The following FAT3 variants were observed in gnomAD, a reference collection of about 807,000 sequenced individuals.
FAT3 encodes the protein protocadherin Fat 3.
Under a neutral mutation model 310.2 loss-of-function variants are expected in FAT3, and 95 were observed. The ratio of observed to expected loss-of-function variants is 0.31; its 90% CI spans 0.26 to 0.36. The LOEUF (loss-of-function observed/expected upper bound fraction) is 0.36. Among genes scored for constraint, FAT3 ranks in the 10% least tolerant of loss-of-function variants. FAT3 has a pLI of 1.00. For missense variants in FAT3, 5,408 were observed against 5,715.6 expected, an observed-to-expected ratio of 0.95 and a Z score of 1.74; for synonymous variants, 2,314 against 2,192.9, an observed-to-expected ratio of 1.06 and a Z score of -1.54.
At chr11:92,672,219 T>G (rs1015948873) in intron 3 of FAT3, among the ~76,000 whole-genome samples, 3 of 152,196 alleles carry the variant, frequency 2.0e-5, no homozygotes, top group Non-Finnish European at 2.9e-5. Flanking sequence ...AGTAGGTACC[T>G]TCTCATCCCC....
intron 2 of FAT3, among the ~76,000 whole-genome samples, chr11:92,515,936 A>G (rs555112072): frequency 1.1e-3 from 161 of 152,270 alleles, no homozygotes; most frequent in African/African-American, 3.7e-3. Context: ...AGACTAAACC[A>G]GGAAGAAGTT....
chr11:92,435,190 C>T (rs995674387), intron 2 of FAT3, among the ~76,000 whole-genome samples: 1 of 152,152 alleles, frequency 6.6e-6, no homozygotes, highest in African/African-American at 2.4e-5. Flanking sequence ...GACAGGGGCT[C>T]AGATGTTGCT....
chr11:92,276,437 C>T (rs1231440240), intron 1 of FAT3, among the ~76,000 whole-genome samples: 1 of 152,128 alleles, frequency 6.6e-6, no homozygotes, highest in Non-Finnish European at 1.5e-5. Context: ...AGGATCTTGA[C>T]CTTGGCCTGT....
intron 2 of FAT3, among the ~76,000 whole-genome samples, chr11:92,496,297 A>G (rs1200953692): frequency 1.3e-5 from 2 of 152,082 alleles, no homozygotes; most frequent in African/African-American, 2.4e-5. Flanking sequence ...TGTTGCATGA[A>G]TACAATATAG....
chr11:92,784,967 G>A (rs765157886), intron 7 of FAT3, among the ~76,000 whole-genome samples: 8 of 151,510 alleles, frequency 5.3e-5, no homozygotes, highest in Non-Finnish European at 1.2e-4. Flanking sequence ...GAAAGAATTG[G>A]CATTCAAAGA....
chr11:92,878,409 C>A (rs1949584228), intron 22 of FAT3, among the ~76,000 whole-genome samples: 1 of 151,726 alleles, frequency 6.6e-6, no homozygotes, highest in Non-Finnish European at 1.5e-5. Context: ...TACCCAAATA[C>A]CTTCACTGCA....
chr11:92,505,578 G>A (rs146630205), intron 2 of FAT3, among the ~76,000 whole-genome samples: 2 of 152,180 alleles, frequency 1.3e-5, no homozygotes, highest in Non-Finnish European at 2.9e-5. Flanking sequence ...CAACCAGTGG[G>A]GAGCTTACAT....
At chr11:92,531,449 G>A (rs182818627) in intron 3 of FAT3, among the ~76,000 whole-genome samples, 2 of 152,152 alleles carry the variant, frequency 1.3e-5, no homozygotes, top group African/African-American at 4.8e-5. Flanking sequence ...CTGGGTCAGG[G>A]TGGGCCATCA....
At chr11:92,795,907 CA>C (rs543143724) in intron 9 of FAT3, among the ~76,000 whole-genome samples, 3 of 149,512 alleles carry the variant, frequency 2.0e-5, no homozygotes, top group African/African-American at 4.9e-5. Flanking sequence ...GACTCCATCT[CA>C]AAAAAAAACA....
chr11:92,854,095 G>A (rs576853059), intron 19 of FAT3, among the ~76,000 whole-genome samples: 37 of 152,258 alleles, frequency 2.4e-4, no homozygotes, highest in African/African-American at 6.0e-4. Flanking sequence ...CTTCCCTCCC[G>A]TGCTCATCTA....
chr11:92,329,852 C>A (rs1947867201), intron 1 of FAT3, among the ~76,000 whole-genome samples: 2 of 68,826 alleles, frequency 2.9e-5, no homozygotes, highest in Admixed American at 3.1e-4. Context: ...GAAACCTTGA[C>A]AGTTTCTGCA....
At chr11:92,544,435 A>G (rs1954552270) in intron 3 of FAT3, among the ~76,000 whole-genome samples, 1 of 152,186 alleles carries the variant, frequency 6.6e-6, no homozygotes, top group South Asian at 2.1e-4. Flanking sequence ...CCTTTACTTG[A>G]TTATATGAAT....
rs1271858535 is a variant in FAT3, at chr11:92,866,862, A to G, written c.11780A>G (p.Asn3927Ser). 16 of 1,613,860 alleles carry G rather than the reference A, an allele frequency of 9.9e-6. No individual in the cohort carries two copies. Among genetic ancestry groups the G allele is most frequent in the Non-Finnish European group, 1.4e-5 (16 of 1,179,858 alleles). Residue 3927 changes from asparagine (N) to serine (S), a missense_variant, in exon 22 of 28, where the codon AAT becomes AGT. Asn to Ser is a conservative substitution (Grantham distance 46, BLOSUM62 1). Transcript: ENST00000525166. ...TCGGTCTTCCTGGAGCTCAACCGCA[A>G]TTTCACGAGCCTGTCCCTGGATGAC... Reference protein sequence around the residue: ...WHSVFLELNRNFTSLSLDDSY... With the variant: ...WHSVFLELNRSFTSLSLDDSY...
intron 2 of FAT3, among the ~76,000 whole-genome samples, chr11:92,434,643 C>G (rs1287133191): frequency 6.6e-6 from 1 of 152,196 alleles, no homozygotes; most frequent in Non-Finnish European, 1.5e-5. Context: ...TCTGCCACTA[C>G]TGATTAGCTG....
At chr11:92,663,693 T>G (rs1942865974) in intron 3 of FAT3, among the ~76,000 whole-genome samples, 1 of 152,186 alleles carries the variant, frequency 6.6e-6, no homozygotes. Flanking sequence ...ATCACACTTG[T>G]CGTCATATCT....
chr11:92,810,428 T>A (rs539673949), intron 13 of FAT3, among the ~76,000 whole-genome samples: 5 of 152,296 alleles, frequency 3.3e-5, no homozygotes, highest in African/African-American at 1.2e-4. Flanking sequence ...CTAAACATAG[T>A]CAAAAGGCTA....
At position 92,250,453 on chromosome 11, in the gene FAT3, G is replaced by A. The variant is rs182113006; in HGVS notation, c.-18+25279G>A. Among the ~76,000 whole-genome samples, 341 of 152,112 alleles carry A rather than the reference G, an allele frequency of 2.2e-3. 4 individuals carry two copies. Among genetic ancestry groups the A allele is most frequent in the African/African-American group, 7.7e-3 (321 of 41,512 alleles). ...CAGTTGTACAATATTAATGCCCAGCGTCCTCTTAAATAACAAGTCAGTCAA... is the reference window on the plus strand; with the variant it reads ...CAGTTGTACAATATTAATGCCCAGCATCCTCTTAAATAACAAGTCAGTCAA... On this transcript the variant is annotated intron_variant, in intron 1 of 27. Transcript: ENST00000525166.
At chr11:92,613,293 A>G (rs904695324) in intron 3 of FAT3, among the ~76,000 whole-genome samples, 11 of 152,336 alleles carry the variant, frequency 7.2e-5, no homozygotes, top group African/African-American at 2.6e-4. Flanking sequence ...TTGTAGAAAT[A>G]CAAATCACTC....
intron 3 of FAT3, among the ~76,000 whole-genome samples, chr11:92,586,873 T>G (rs1939183366): frequency 6.6e-6 from 1 of 151,998 alleles, no homozygotes; most frequent in African/African-American, 2.4e-5. Context: ...TAAATAATGT[T>G]TCTGAATGAT....
Sources: gnomAD v4.1 joint callset for allele counts (sites outside exome capture counted in the v4.1 genomes callset) on GRCh38, gnomAD v4.1.1 for gene constraint, MANE v1.5 for transcripts, NCBI Gene and HGNC (gene_info 2026-07-23, HGNC 2026-07-21) for gene names.